Variants in XKR6 observed in about 807,000 individuals in gnomAD.
XKR6 encodes the protein XK related 6.
XKR6 carries 22 observed loss-of-function variants against 56.7 expected under a neutral mutation model. The ratio of observed to expected loss-of-function variants is 0.39; its 90% CI spans 0.28 to 0.55. The LOEUF (loss-of-function observed/expected upper bound fraction) is 0.55. Among genes scored for constraint, XKR6 ranks in the 20% least tolerant of loss-of-function variants. XKR6 has a pLI of 0.66. For missense variants in XKR6, 852 were observed against 889.0 expected (o/e 0.96, Z 0.53); for synonymous variants, 524 against 387.8 (o/e 1.35, Z -4.13).
chr8:11,130,479 G>A lies in XKR6; in HGVS notation c.764+70097C>T, dbSNP rs537111380. On this transcript the variant is annotated intron_variant, in intron 1 of 2. Coordinates refer to ENST00000416569, the MANE Select transcript of XKR6 (RefSeq NM_173683.4). ...GACGTGTGTGTTACACACAGACAGTGCAATGGACAAAAACAACAAAAGATG... is the reference window on the plus strand; with the variant it reads ...GACGTGTGTGTTACACACAGACAGTACAATGGACAAAAACAACAAAAGATG... Among the ~76,000 whole-genome samples the A allele has an allele frequency of 8.5e-5, 13 of 152,302 alleles. No homozygotes were observed. The South Asian group carries it at 2.7e-3, about 32-fold the overall frequency.
intron 1 of XKR6, among the ~76,000 whole-genome samples, chr8:11,171,308 A>G (rs1802356743): frequency 6.6e-6 from 1 of 152,258 alleles, no homozygotes; most frequent in South Asian, 2.1e-4. Context: ...AGTTCAAAAC[A>G]TGCCCAAGGA....
intron 1 of XKR6, among the ~76,000 whole-genome samples, chr8:10,951,489 T>A (rs926427919): frequency 6.6e-6 from 1 of 152,140 alleles, no homozygotes; most frequent in African/African-American, 2.4e-5. Flanking sequence ...AGAACTTGGT[T>A]TTAGTCCCAA....
At chr8:11,180,687 T>C (rs1463832842) in intron 1 of XKR6, among the ~76,000 whole-genome samples, 1 of 152,102 alleles carries the variant, frequency 6.6e-6, no homozygotes, top group Non-Finnish European at 1.5e-5. Context: ...GGAGGAATGC[T>C]TGGGCCCAGG....
intron 1 of XKR6, among the ~76,000 whole-genome samples, chr8:11,027,070 C>T (rs150718357): frequency 4.6e-5 from 7 of 152,292 alleles, no homozygotes; most frequent in East Asian, 1.9e-4. Context: ...ACGTAGATGG[C>T]GTTGCCTACC....
chr8:10,970,951 A>G (rs1430933027), intron 1 of XKR6, among the ~76,000 whole-genome samples: 1 of 152,096 alleles, frequency 6.6e-6, no homozygotes, highest in Non-Finnish European at 1.5e-5. Flanking sequence ...CTTTTATCAG[A>G]AAATATAACA....
At chr8:11,068,370 A>G (rs1045389351) in intron 1 of XKR6, among the ~76,000 whole-genome samples, 1 of 152,134 alleles carries the variant, frequency 6.6e-6, no homozygotes, top group African/African-American at 2.4e-5. Flanking sequence ...TCAGTGAGCA[A>G]TGGTCCCCTC....
At chr8:11,088,569 C>T (rs886343284) in intron 1 of XKR6, among the ~76,000 whole-genome samples, 11 of 152,314 alleles carry the variant, frequency 7.2e-5, no homozygotes, top group Non-Finnish European at 7.3e-5. Context: ...GACCTAACAC[C>T]TTTCCTTCCT....
chr8:10,939,284 A>G (rs888772636), intron 1 of XKR6, among the ~76,000 whole-genome samples: 1 of 152,108 alleles, frequency 6.6e-6, no homozygotes, highest in African/African-American at 2.4e-5. Context: ...CCCGCCCACC[A>G]CAGTTCCTGC....
At chr8:11,049,779 CT>C (rs1799498996) in intron 1 of XKR6, among the ~76,000 whole-genome samples, 1 of 152,184 alleles carries the variant, frequency 6.6e-6, no homozygotes, top group Non-Finnish European at 1.5e-5. Context: ...TTAACCAAAT[CT>C]GTTGGGCAGA....
At chr8:10,954,221 C>A (rs771440228) in intron 1 of XKR6, among the ~76,000 whole-genome samples, 2 of 152,206 alleles carry the variant, frequency 1.3e-5, no homozygotes, top group Non-Finnish European at 2.9e-5. Flanking sequence ...TTATGTTTAA[C>A]TTTTTGGAGG....
At chr8:11,131,932 G>C (rs1800122913) in intron 1 of XKR6, among the ~76,000 whole-genome samples, 1 of 152,162 alleles carries the variant, frequency 6.6e-6, no homozygotes, top group Non-Finnish European at 1.5e-5. Flanking sequence ...GTTGGCACAA[G>C]ACTGCCTATG....
At chr8:11,049,192 G>A (rs753819602) in intron 1 of XKR6, among the ~76,000 whole-genome samples, 7 of 152,210 alleles carry the variant, frequency 4.6e-5, no homozygotes, top group African/African-American at 1.2e-4. Flanking sequence ...GCTTATTCTC[G>A]GAAAAGGCAC....
intron 1 of XKR6, among the ~76,000 whole-genome samples, chr8:11,089,639 A>G (rs752881781): frequency 8.5e-5 from 13 of 152,214 alleles, no homozygotes; most frequent in Non-Finnish European, 1.8e-4. Flanking sequence ...CCTGTCTCCA[A>G]ATAAAATAAA....
intron 1 of XKR6, among the ~76,000 whole-genome samples, chr8:10,929,309 C>T (rs1217003132): frequency 6.6e-6 from 1 of 152,210 alleles, no homozygotes; most frequent in African/African-American, 2.4e-5. Context: ...GCAATATTAC[C>T]TACTAATTAT....
At chr8:10,937,787 A>C (rs1801256922) in intron 1 of XKR6, among the ~76,000 whole-genome samples, 1 of 151,262 alleles carries the variant, frequency 6.6e-6, no homozygotes, top group Non-Finnish European at 1.5e-5. Context: ...TGCTGGGAGA[A>C]CCACTGCTCT....
intron 1 of XKR6, among the ~76,000 whole-genome samples, chr8:10,988,647 C>A (rs750226461): frequency 6.6e-6 from 1 of 152,186 alleles, no homozygotes; most frequent in Non-Finnish European, 1.5e-5. Flanking sequence ...ACCCCTGGGC[C>A]TGTCTGGGAC....
chr8:10,898,343 C>T lies in XKR6; in HGVS notation c.1535G>A (p.Cys512Tyr), dbSNP rs1799946195. Residue 512 changes from cysteine (C) to tyrosine (Y), a missense_variant, in exon 3 of 3, where the codon TGT becomes TAT. Physicochemically the swap from Cys to Tyr is radical, Grantham distance 194. Coordinates refer to ENST00000416569, the MANE Select transcript of XKR6 (RefSeq NM_173683.4). This position sits in a 1 kb window ranked among gnomAD's most constrained non-coding sequence, Gnocchi z 6.6. ...GATGCCCCAGAGCAGCTCGGCACAA[C>T]AGGAGCTGGCAAGGATCTTAGCTCG... ...GPRAKILASS[C>Y]CAELLWGIPL... is the part of the protein sequence containing the mutation. 6.2e-7 allele frequency: 1 copy of T among 1,613,940 alleles called. No homozygotes were observed. The highest frequency in any genetic ancestry group is 8.5e-7 in the Non-Finnish European group (1 of 1,179,882).
chr8:11,119,442 C>T, intron 1 of XKR6, among the ~76,000 whole-genome samples: 1 of 152,126 alleles, frequency 6.6e-6, no homozygotes. Flanking sequence ...GTGTGGGAGT[C>T]TAAGTCTCTT....
intron 1 of XKR6, among the ~76,000 whole-genome samples, chr8:11,037,062 G>A (rs529843607): frequency 2.0e-5 from 3 of 152,160 alleles, no homozygotes; most frequent in African/African-American, 4.8e-5. Context: ...TACTTATGAC[G>A]AGGCGTGGAT....
Sources: gnomAD v4.1 joint callset for allele counts (sites outside exome capture counted in the v4.1 genomes callset) on GRCh38, gnomAD v4.1.1 for gene constraint, Gnocchi (gnomAD v3.1) non-coding constraint, MANE v1.5 for transcripts, NCBI Gene and HGNC (gene_info 2026-07-23, HGNC 2026-07-21) for gene names.